Variants in NRXN1 observed in about 807,000 individuals in gnomAD.
The protein encoded by NRXN1 is neurexin-1.
A neutral mutation model predicts 150.9 loss-of-function variants in NRXN1; 39 were observed. The ratio of observed to expected loss-of-function variants is 0.26; its 90% CI spans 0.20 to 0.34. NRXN1 has a LOEUF of 0.34. Ranked by LOEUF, NRXN1 falls within the 10% of genes least tolerant of loss-of-function variation. The pLI is 1.00. For missense variants in NRXN1, 1,815 were observed against 1,949.9 expected (o/e 0.93, Z 1.30); for synonymous variants, 924 against 757.0 (o/e 1.22, Z -3.62).
chr2:50,392,468 C>A (rs888530095), intron 17 of NRXN1, among the ~76,000 whole-genome samples: 3 of 152,082 alleles, frequency 2.0e-5, no homozygotes, highest in Non-Finnish European at 4.4e-5. Flanking sequence ...GCATTTAAGT[C>A]ATGAGAAGGT....
chr2:50,122,793 A>C (rs574307342), intron 18 of NRXN1, among the ~76,000 whole-genome samples: 27 of 152,294 alleles, frequency 1.8e-4, no homozygotes, highest in African/African-American at 6.5e-4. Context: ...TACACAATAA[A>C]TTATCAAGTA....
rs1553807579 is a variant in NRXN1, at chr2:50,236,980, A to C, written c.3365-10T>G. ...ATATATGTCGTCCCAGCTGGAAAAC[A>C]AAAACCAAAACCAATTAGTCCAAAT... is the stretch of plus-strand genomic sequence containing the variant. On this transcript the variant is annotated splice_polypyrimidine_tract_variant and intron_variant, in intron 17 of 22. Coordinates refer to ENST00000401669, the MANE Select transcript of NRXN1 (RefSeq NM_001330078.2). 4 of 1,612,790 alleles carry C rather than the reference A, an allele frequency of 2.5e-6. No individual in the cohort carries two copies. In the South Asian group the frequency reaches 3.3e-5, roughly 13 times the overall value.
Position 50,531,258 on chromosome 2 carries a change from G to A in NRXN1, c.2316C>T (p.Asp772=), listed in dbSNP as rs200449662. ...DSADTLRLEL[D]AGRVKLTVNL... ...TGACCGTCAGTTTCACACGTCCTGC[G>A]TCTAGCTCCAGGCGGAGGGTGTCAG... is the stretch of plus-strand genomic sequence containing the variant. The change falls in exon 11 of 23, where the codon GAC becomes GAT. Residue 772 remains aspartate (D), a synonymous_variant. Coordinates refer to ENST00000401669, the MANE Select transcript of NRXN1 (RefSeq NM_001330078.2). 35 of 1,613,332 alleles carry A rather than the reference G, an allele frequency of 2.2e-5. No homozygotes were observed. Among genetic ancestry groups the A allele is most frequent in the African/African-American group, 2.7e-5 (2 of 74,900 alleles).
chr2:49,945,785 C>A (rs1470647956), intron 21 of NRXN1, among the ~76,000 whole-genome samples: 1 of 152,134 alleles, frequency 6.6e-6, no homozygotes, highest in Non-Finnish European at 1.5e-5. Context: ...TCCAGTCTAT[C>A]ATTGATGAGC....
intron 5 of NRXN1, among the ~76,000 whole-genome samples, chr2:50,815,145 C>T (rs1360780751): frequency 6.6e-6 from 1 of 152,008 alleles, no homozygotes; most frequent in Non-Finnish European, 1.5e-5. Flanking sequence ...ACTATTCCTA[C>T]TTCATCTTTA....
At chr2:50,088,259 G>A (rs1699073785) in intron 19 of NRXN1, among the ~76,000 whole-genome samples, 1 of 152,130 alleles carries the variant, frequency 6.6e-6, no homozygotes, top group Non-Finnish European at 1.5e-5. Context: ...CGTTGCAGAT[G>A]AAGTTCCAAG....
chr2:50,099,646 C>A (rs752299396), intron 18 of NRXN1, among the ~76,000 whole-genome samples: 2 of 152,088 alleles, frequency 1.3e-5, no homozygotes, highest in African/African-American at 4.8e-5. Flanking sequence ...TTAGCTTCAC[C>A]GTAGTTTGAT....
chr2:51,023,149 T>G (rs140971714), intron 2 of NRXN1, among the ~76,000 whole-genome samples: 1 of 152,222 alleles, frequency 6.6e-6, no homozygotes, highest in Non-Finnish European at 1.5e-5. Context: ...TGATGTTGAC[T>G]GACAAACAGA....
chr2:50,814,104 G>A lies in NRXN1; in HGVS notation c.832+107765C>T, dbSNP rs537283847. Among the ~76,000 whole-genome samples, 103 of 152,218 alleles carry A rather than the reference G, an allele frequency of 6.8e-4. No homozygotes were observed. The South Asian group carries it at 0.02, about 29-fold the overall frequency. On this transcript the variant is annotated intron_variant, in intron 5 of 22. Transcript: ENST00000401669. ...GTATGGCAACTGTATGCAAAATGCAGCAGCCACGCATTTCATCAGTGATAA... is the reference window on the plus strand; with the variant it reads ...GTATGGCAACTGTATGCAAAATGCAACAGCCACGCATTTCATCAGTGATAA...
At chr2:50,571,472 G>A (rs1342377089) in intron 8 of NRXN1, among the ~76,000 whole-genome samples, 2 of 152,054 alleles carry the variant, frequency 1.3e-5, no homozygotes, top group Non-Finnish European at 2.9e-5. Flanking sequence ...GTGTATTTTT[G>A]TCTAGTGTAC....
chr2:50,145,030 G>T (rs1707807257), intron 18 of NRXN1, among the ~76,000 whole-genome samples: 1 of 151,660 alleles, frequency 6.6e-6, no homozygotes, highest in South Asian at 2.1e-4. Flanking sequence ...TTTAAAATAT[G>T]AGATGCTGGC....
At chr2:50,666,434 T>A (rs1688030559) in intron 5 of NRXN1, among the ~76,000 whole-genome samples, 1 of 151,920 alleles carries the variant, frequency 6.6e-6, no homozygotes, top group African/African-American at 2.4e-5. Context: ...GGTAGGTATA[T>A]GTTTAGCTTT....
At chr2:50,767,231 G>A (rs1702482649) in intron 5 of NRXN1, among the ~76,000 whole-genome samples, 1 of 151,990 alleles carries the variant, frequency 6.6e-6, no homozygotes, top group Non-Finnish European at 1.5e-5. Flanking sequence ...CTTAGGTTGT[G>A]CAGTGGTAGA....
intron 8 of NRXN1, among the ~76,000 whole-genome samples, chr2:50,555,049 T>G (rs1330896181): frequency 6.6e-6 from 1 of 152,212 alleles, no homozygotes; most frequent in East Asian, 1.9e-4. Flanking sequence ...GGGAAAATGC[T>G]TTTCAAGGAT....
chr2:50,368,184 G>C (rs2079739494), intron 17 of NRXN1, among the ~76,000 whole-genome samples: 1 of 151,866 alleles, frequency 6.6e-6, no homozygotes, highest in Non-Finnish European at 1.5e-5. Flanking sequence ...AATTTACCTA[G>C]GAAGATTCCA....
At chr2:50,546,303 G>A (rs183255093) in intron 9 of NRXN1, among the ~76,000 whole-genome samples, 74 of 152,206 alleles carry the variant, frequency 4.9e-4, no homozygotes, top group African/African-American at 1.5e-3. Flanking sequence ...TGTCAAGTTC[G>A]CTAAGCAGTG....
intron 5 of NRXN1, among the ~76,000 whole-genome samples, chr2:50,826,158 G>A (rs1271866320): frequency 2.0e-5 from 3 of 152,104 alleles, no homozygotes; most frequent in South Asian, 2.1e-4. Flanking sequence ...GGGAAAGAGG[G>A]GCCACAGGTT....
intron 21 of NRXN1, among the ~76,000 whole-genome samples, chr2:50,015,219 CCTAA>C (rs1686375428): frequency 6.6e-6 from 1 of 151,960 alleles, no homozygotes; most frequent in African/African-American, 2.4e-5. Flanking sequence ...GTACAATATG[CCTAA>C]CTGTCCTAAC....
At chr2:50,154,906 T>C (rs2058921588) in intron 18 of NRXN1, among the ~76,000 whole-genome samples, 1 of 151,616 alleles carries the variant, frequency 6.6e-6, no homozygotes, top group Non-Finnish European at 1.5e-5. Flanking sequence ...TTTTAATGTA[T>C]TAAAATTATT....
Sources: gnomAD v4.1 joint callset for allele counts (sites outside exome capture counted in the v4.1 genomes callset) on GRCh38, gnomAD v4.1.1 for gene constraint, MANE v1.5 for transcripts, NCBI Gene and HGNC (gene_info 2026-07-23, HGNC 2026-07-21) for gene names.